CERS3: variants seen among roughly 807,000 people sequenced by gnomAD.
CERS3 encodes ceramide synthase 3.
Under a neutral mutation model 50.3 loss-of-function variants are expected in CERS3, and 33 were observed. The ratio of observed to expected loss-of-function variants is 0.66; its 90% CI spans 0.50 to 0.88. The LOEUF is 0.88. Ranked by LOEUF, CERS3 falls within the 40% of genes least tolerant of loss-of-function variation. The pLI, the probability that CERS3 is intolerant of heterozygous loss-of-function variation, is 0.00. For missense variants in CERS3, 470 were observed against 460.3 expected (o/e 1.02, Z -0.19); for synonymous variants, 176 against 155.2 (o/e 1.13, Z -0.99).
At chr15:100,507,144 A>C (rs969258863) in intron 2 of CERS3, among the ~76,000 whole-genome samples, 4 of 152,206 alleles carry the variant, frequency 2.6e-5, no homozygotes, top group African/African-American at 9.7e-5. Flanking sequence ...TAAATAAAAG[A>C]AATAAAGACT....
At chr15:100,536,215 A>G (rs2037071650) in intron 1 of CERS3, among the ~76,000 whole-genome samples, 1 of 152,244 alleles carries the variant, frequency 6.6e-6, no homozygotes, top group Admixed American at 6.5e-5. Flanking sequence ...TTAAGACCAC[A>G]GAGAAGATTG....
At chr15:100,535,245 A>G (rs1164372353) in intron 1 of CERS3, among the ~76,000 whole-genome samples, 2 of 152,204 alleles carry the variant, frequency 1.3e-5, no homozygotes, top group South Asian at 2.1e-4. Context: ...TTTTATGCAT[A>G]TAGACTTAGT....
intron 11 of CERS3, among the ~76,000 whole-genome samples, chr15:100,448,380 G>C (rs1034430952): frequency 2.6e-5 from 4 of 152,188 alleles, no homozygotes; most frequent in Admixed American, 1.3e-4. Flanking sequence ...TAAGAACCTG[G>C]AGATACTCCC....
At chr15:100,543,646 C>G (rs1055762779) in intron 1 of CERS3, among the ~76,000 whole-genome samples, 2 of 152,070 alleles carry the variant, frequency 1.3e-5, no homozygotes, top group African/African-American at 4.8e-5. Context: ...TCTCCTGCCT[C>G]AGCCTCCCCA....
chr15:100,477,331 A>C (rs1048130016), intron 7 of CERS3, among the ~76,000 whole-genome samples: 5 of 152,222 alleles, frequency 3.3e-5, no homozygotes, highest in Admixed American at 6.5e-5. Flanking sequence ...AGGCTAACGT[A>C]TAACGAATTT....
chr15:100,450,293 CGGTAGT>C (rs1567625699), intron 11 of CERS3, among the ~76,000 whole-genome samples: 2 of 151,496 alleles, frequency 1.3e-5, no homozygotes, highest in Non-Finnish European at 2.9e-5. Flanking sequence ...TGGCATGCAC[CGGTAGT>C]CCCAGCTACT....
intron 2 of CERS3, among the ~76,000 whole-genome samples, chr15:100,510,602 G>A (rs2036312222): frequency 6.6e-6 from 1 of 152,196 alleles, no homozygotes; most frequent in Non-Finnish European, 1.5e-5. Context: ...CCATGAGGCA[G>A]CATTCTCCAG....
chr15:100,458,148 C>A (rs928000030), intron 10 of CERS3, among the ~76,000 whole-genome samples: 4 of 152,142 alleles, frequency 2.6e-5, no homozygotes, highest in Non-Finnish European at 4.4e-5. Flanking sequence ...AACTCAGAAC[C>A]AGTATGAAAT....
At chr15:100,506,889 C>T (rs1310503823) in intron 2 of CERS3, among the ~76,000 whole-genome samples, 1 of 152,142 alleles carries the variant, frequency 6.6e-6, no homozygotes, top group Admixed American at 6.5e-5. Context: ...TGTAAATATA[C>T]TAAAAAATAT....
At chr15:100,434,616 A>T (rs2033304191) in intron 11 of CERS3, among the ~76,000 whole-genome samples, 2 of 152,344 alleles carry the variant, frequency 1.3e-5, no homozygotes, top group Admixed American at 6.5e-5. Context: ...GGGTGTGGCC[A>T]CAGAAAACAG....
chr15:100,531,877 C>T (rs1344784784), upstream of CERS3, among the ~76,000 whole-genome samples: 1 of 152,116 alleles, frequency 6.6e-6, no homozygotes, highest in Non-Finnish European at 1.5e-5. Flanking sequence ...GAACGTCGGA[C>T]CTCTGACAAA....
intron 7 of CERS3, among the ~76,000 whole-genome samples, chr15:100,478,948 T>A (rs1399853081): frequency 1.3e-5 from 2 of 152,114 alleles, no homozygotes; most frequent in Admixed American, 1.3e-4. Flanking sequence ...GGAGGGTGTA[T>A]GGTGTATTCT....
At chr15:100,416,329 C>A (rs1213633986) in intron 11 of CERS3, among the ~76,000 whole-genome samples, 1 of 152,136 alleles carries the variant, frequency 6.6e-6, no homozygotes, top group East Asian at 1.9e-4. Context: ...AATAAGGGGG[C>A]ACACTCACAA....
In CERS3 at chr15:100,510,804, T is replaced by A. The variant is rs572638312; in HGVS notation, c.-1-8954A>T. ...ACTCATTAGCCCTGGGCCATTCATG[T>A]CTGTACTGTTACATGCAAGAGAAAT... On this transcript the variant is annotated intron_variant, in intron 2 of 11. Coordinates refer to ENST00000679737, the MANE Select transcript of CERS3 (RefSeq NM_001378789.1). Among the ~76,000 whole-genome samples the A allele has an allele frequency of 2.5e-3, 375 of 152,368 alleles. 3 individuals carry two copies. The highest frequency in any genetic ancestry group is 8.4e-3 in the African/African-American group (350 of 41,584).
At chr15:100,442,638 C>A (rs921055119) in intron 11 of CERS3, among the ~76,000 whole-genome samples, 2 of 152,150 alleles carry the variant, frequency 1.3e-5, no homozygotes, top group East Asian at 3.9e-4. Flanking sequence ...CCTGTCTATG[C>A]GGGACCCCAC....
chr15:100,513,397 G>C (rs1286598813), intron 2 of CERS3, among the ~76,000 whole-genome samples: 1 of 152,104 alleles, frequency 6.6e-6, no homozygotes, highest in African/African-American at 2.4e-5. Context: ...TGAGATGCTT[G>C]CAGGAGGGCC....
rs145899470 is a variant in CERS3, at chr15:100,467,850, T to TATATAG, written c.845+1527_845+1528insCTATAT. ...ATATATATACGTGTATATATATATA[T>TATATAG]ATAGATAGATAGATAGATAGATAGA... On this transcript the variant is annotated intron_variant, in intron 10 of 11. Transcript: ENST00000679737. Among the ~76,000 whole-genome samples the TATATAG allele has an allele frequency of 4.3e-3, 399 of 93,130 alleles. 8 individuals carry two copies. The highest frequency in any genetic ancestry group is 0.015 in the South Asian group (43 of 2,940). 61.1% of individuals were successfully genotyped at this position (93,130 alleles called of 152,430 possible). A position where few individuals can be genotyped will look rare whatever the true frequency, so the allele number is the denominator to read the frequency against.
chr15:100,433,927 T>G (rs2033267142), intron 11 of CERS3, among the ~76,000 whole-genome samples: 1 of 152,254 alleles, frequency 6.6e-6, no homozygotes, highest in African/African-American at 2.4e-5. Context: ...TTCTCCACAT[T>G]CTTCATGCTG....
intron 3 of CERS3, among the ~76,000 whole-genome samples, chr15:100,495,484 T>C (rs1031687478): frequency 6.6e-6 from 1 of 152,240 alleles, no homozygotes. Context: ...TCTGACATTT[T>C]TGCTAATCCA....
Sources: gnomAD v4.1 joint callset for allele counts (sites outside exome capture counted in the v4.1 genomes callset) on GRCh38, gnomAD v4.1.1 for gene constraint, MANE v1.5 for transcripts, NCBI Gene and HGNC (gene_info 2026-07-23, HGNC 2026-07-21) for gene names.